TRMT44: variants seen among roughly 807,000 people sequenced by gnomAD.
TRMT44 encodes probable tRNA (uracil-O(2)-)-methyltransferase.
TRMT44 carries 78 observed loss-of-function variants against 77.3 expected under a neutral mutation model. That is an observed-to-expected ratio of 1.01 (90% CI 0.84 to 1.22). TRMT44 has a LOEUF of 1.22. Among genes scored for constraint, TRMT44 ranks in the 50% most tolerant of loss-of-function variants. TRMT44 has a pLI of 0.00. For missense variants in TRMT44, 1,090 were observed against 964.4 expected, an observed-to-expected ratio of 1.13 and a Z score of -1.73; for synonymous variants, 391 against 383.3, an observed-to-expected ratio of 1.02 and a Z score of -0.23.
intron 2 of TRMT44, among the ~76,000 whole-genome samples, chr4:8,488,058 A>G (rs994393885): frequency 1.3e-5 from 2 of 152,186 alleles, no homozygotes; most frequent in African/African-American, 2.4e-5. Context: ...GAAAGGAGAA[A>G]GAGGTTGAGT....
chr4:8,500,185 A>T, the TRMT44 span, among the ~76,000 whole-genome samples: 1 of 151,690 alleles, frequency 6.6e-6, no homozygotes, highest in Non-Finnish European at 1.5e-5. Context: ...ATGAAGTGAG[A>T]CTCTGTCTCT....
intron 6 of TRMT44, 65 bp from the exon 7 acceptor site, chr4:8,463,920 C>A: frequency 7.2e-7 from 1 of 1,383,856 alleles, no homozygotes; most frequent in South Asian, 1.2e-5. Flanking sequence ...CCCGCCATGT[C>A]CTGCCCACGC....
At chr4:8,470,919 T>G in intron 9 of TRMT44, 165 bp from the exon 10 acceptor site, 2 of 545,826 alleles carry the variant, frequency 3.7e-6, no homozygotes. Context: ...GCCCTCACGG[T>G]TTGGTGCGGT....
intron 2 of TRMT44, chr4:8,482,219 C>G (rs1387655187): frequency 6.6e-6 from 1 of 152,274 alleles, no homozygotes; most frequent in East Asian, 1.9e-4. Flanking sequence ...AGGCACTCCT[C>G]AACGGCATCC....
intron 2 of TRMT44, among the ~76,000 whole-genome samples, chr4:8,491,763 G>A (rs913388344): frequency 6.6e-5 from 10 of 152,308 alleles, no homozygotes; most frequent in African/African-American, 1.9e-4. Context: ...AGCGCTGCAC[G>A]CAGCCCCGGT....
chr4:8,462,377 C>T (rs111599507), intron 6 of TRMT44, among the ~76,000 whole-genome samples: 8,714 of 151,356 alleles, frequency 0.058, 427 homozygotes, highest in African/African-American at 0.13. Flanking sequence ...CACCACTGCA[C>T]GCCAGCCTAG....
In TRMT44 at chr4:8,490,567, C is replaced by T. The variant is rs772163561; in HGVS notation, n.3892-2699C>T. ...GTGAGTGTTACAGTTCTTAAGGCGGCGCGTCTGGAGTTGTTCATTCCTCCC... is the reference window on the plus strand; with the variant it reads ...GTGAGTGTTACAGTTCTTAAGGCGGTGCGTCTGGAGTTGTTCATTCCTCCC... On this transcript the variant is annotated intron_variant and non_coding_transcript_variant, in intron 2 of 2. Transcript: ENST00000511366. Among the ~76,000 whole-genome samples, 21 of 151,510 alleles carry T rather than the reference C, an allele frequency of 1.4e-4. 1 individual carries two copies. Among genetic ancestry groups the T allele is most frequent in the Admixed American group, 3.3e-4 (5 of 15,238 alleles).
intron 5 of TRMT44, among the ~76,000 whole-genome samples, chr4:8,454,029 G>C (rs377246118): frequency 1.3e-5 from 2 of 152,150 alleles, no homozygotes; most frequent in East Asian, 1.9e-4. Context: ...CTGGTACCTG[G>C]AGACAGCTGG....
At chr4:8,512,573 C>T in the TRMT44 span, 12 of 152,170 alleles carry the variant, frequency 7.9e-5, no homozygotes, top group South Asian at 4.1e-4. Flanking sequence ...ATAAAATCGT[C>T]GAAACTTCCT....
chr4:8,451,590 C>G lies in TRMT44; in HGVS notation c.955-370C>G, dbSNP rs945533875. 6.6e-6 allele frequency among the ~76,000 whole-genome samples: 1 copy of G among 152,162 alleles called. No homozygotes were observed. ...AGCACTGGTCTCCTAGTTTGTGGCT[C>G]GCGGCTCTCCCTGCCCTAGTTTCAC... On this transcript the variant is annotated intron_variant, in intron 3 of 10. Coordinates refer to ENST00000389737, the MANE Select transcript of TRMT44 (RefSeq NM_152544.3). This position sits in a 1 kb window ranked among gnomAD's most constrained non-coding sequence, Gnocchi z 4.1.
chr4:8,465,341 G>A, intron 7 of TRMT44, 37 bp from the exon 8 acceptor site: 1 of 1,577,206 alleles, frequency 6.3e-7, no homozygotes, highest in Non-Finnish European at 8.6e-7. Flanking sequence ...CGTCTGCTCA[G>A]GATGCTTGAC....
rs759797431 is a variant in TRMT44 at position 8,465,464 on chromosome 4, C to G, written c.1397C>G (p.Thr466Ser). Residue 466 changes from threonine to serine, a missense_variant, in exon 8 of 11, where the codon ACT becomes AGT. Thr to Ser is a moderately conservative substitution (Grantham distance 58, BLOSUM62 1). Transcript: ENST00000389737. ...GRYSRRQSKK[T>S]QYREYLDFIK... ...TACTCCCGGAGGCAGAGTAAGAAGACTCAGTACCGGGAATACCTTGACTTC... is the reference window on the plus strand; with the variant it reads ...TACTCCCGGAGGCAGAGTAAGAAGAGTCAGTACCGGGAATACCTTGACTTC... 4 of 1,614,188 alleles carry G rather than the reference C, an allele frequency of 2.5e-6. No homozygotes were observed. Among genetic ancestry groups the G allele is most frequent in the Non-Finnish European group, 3.4e-6 (4 of 1,180,036 alleles).
At chr4:8,465,230 T>A in intron 7 of TRMT44, 148 bp from the exon 8 acceptor site, 1 of 745,198 alleles carries the variant, frequency 1.3e-6, no homozygotes, top group Non-Finnish European at 2.2e-6. Context: ...AAGTGGACAT[T>A]ATATGCAACA....
downstream of TRMT44, chr4:8,478,139 C>G (rs1727481641): frequency 6.5e-6 from 1 of 152,916 alleles, no homozygotes; most frequent in Non-Finnish European, 1.5e-5. Flanking sequence ...GGCCACAGAG[C>G]CTGGTTCTGC....
In TRMT44 at chr4:8,440,797, C is replaced by G; in HGVS notation, c.-26C>G. 1.4e-6 allele frequency: 2 copies of G among 1,399,872 alleles called. No homozygotes were observed. The highest frequency in any genetic ancestry group is 1.9e-6 in the Non-Finnish European group (2 of 1,081,054). The allele number at this position is 1,399,872 out of a possible 1,614,324, so 86.7% of individuals were successfully genotyped here. On this transcript the variant is annotated 5_prime_UTR_variant, in exon 1 of 11. Coordinates refer to ENST00000389737, the MANE Select transcript of TRMT44 (RefSeq NM_152544.3). ...GCTGCGTCATCTCGGCGCGCCGCTG[C>G]CAGGGCTGTACACCTGCTGGCTGCC... is the stretch of plus-strand genomic sequence containing the variant.
rs531297461 is a variant in TRMT44 at position 8,457,896 on chromosome 4, C to A, written c.1203+3083C>A. 7.2e-5 allele frequency among the ~76,000 whole-genome samples: 11 copies of A among 152,292 alleles called. No homozygotes were observed. In the East Asian group the frequency reaches 2.1e-3, roughly 29 times the overall value. ...ATCATGAAAGAGACTGTGGATATAGCAAACAAAGGCAGGAGATGAAGGGTG... is the reference window on the plus strand; with the variant it reads ...ATCATGAAAGAGACTGTGGATATAGAAAACAAAGGCAGGAGATGAAGGGTG... On this transcript the variant is annotated intron_variant, in intron 6 of 10. Coordinates refer to ENST00000389737, the MANE Select transcript of TRMT44 (RefSeq NM_152544.3).
chr4:8,450,724 A>G (rs550866108), intron 3 of TRMT44, among the ~76,000 whole-genome samples: 1 of 151,474 alleles, frequency 6.6e-6, no homozygotes, highest in South Asian at 2.1e-4. Flanking sequence ...AGTCAAAGCT[A>G]CTTACTATTC....
rs1250742355 is a variant in TRMT44 at position 8,441,429 on chromosome 4, A to G, written c.607A>G (p.Ile203Val). 3.0e-5 allele frequency: 45 copies of G among 1,515,798 alleles called. No individual in the cohort carries two copies. The highest frequency in any genetic ancestry group is 3.9e-5 in the Non-Finnish European group (44 of 1,132,346). 93.9% of individuals were successfully genotyped at this position (1,515,798 alleles called of 1,614,324 possible). The change falls in exon 1 of 11, where the codon ATA becomes GTA. Residue 203 changes from isoleucine to valine, a missense_variant. By Grantham distance (29) the Ile-to-Val change is conservative (BLOSUM62 3). Transcript: ENST00000389737. ...HCPLTTPRRE[I>V]VVQDVLNGTI... is the part of the protein sequence containing the mutation. ...CCCCCTTACAACTCCCAGGAGGGAAATAGTCGTGCAAGGTAAGAGTGTTTT... is the reference window on the plus strand; with the variant it reads ...CCCCCTTACAACTCCCAGGAGGGAAGTAGTCGTGCAAGGTAAGAGTGTTTT...
In TRMT44 at chr4:8,440,910, A is replaced by G. The variant is rs1161854650; in HGVS notation, c.88A>G (p.Arg30Gly). The G allele has an allele frequency of 6.5e-7, 1 of 1,530,186 alleles. No individual in the cohort carries two copies. The highest frequency in any genetic ancestry group is 2.5e-5 in the East Asian group (1 of 40,528). 94.8% of individuals were successfully genotyped at this position (1,530,186 alleles called of 1,614,324 possible). Residue 30 changes from arginine to glycine, a missense_variant, in exon 1 of 11, where the codon AGG becomes GGG. Coordinates refer to ENST00000389737, the MANE Select transcript of TRMT44 (RefSeq NM_152544.3). ...GGCTGCGGTCGAAGTGTGGCTGGAG[A>G]GGCCGCAGGTGGCAAACAAACGGCT... ...FWAAVEVWLE[R>G]PQVANKRLCG...
Sources: allele counts gnomAD v4.1 joint callset (sites outside exome capture counted in the v4.1 genomes callset), GRCh38; gene constraint gnomAD v4.1.1; non-coding constraint Gnocchi (gnomAD v3.1); transcripts MANE v1.5; gene names NCBI Gene and HGNC (gene_info 2026-07-23, HGNC 2026-07-21).